Variants in FKTN observed in about 807,000 individuals in gnomAD.
FKTN encodes ribitol-5-phosphate transferase FKTN.
In FKTN, 47 loss-of-function variants were observed where a neutral mutation model predicts 58.6. The observed-to-expected ratio is 0.80, with a 90% CI of 0.63 to 1.02. FKTN has a LOEUF of 1.02. Ranked by LOEUF, FKTN falls within the 50% of genes least tolerant of loss-of-function variation. The probability of loss-of-function intolerance (pLI) is 0.00; values close to 1 mark genes in which losing one functional copy is unlikely to be tolerated. For synonymous variants in FKTN, 178 were observed against 191.9 expected (o/e 0.93, Z 0.60); for missense variants, 516 against 537.3 (o/e 0.96, Z 0.39).
At chr9:105,573,289 T>C (rs1841092975) in intron 1 of FKTN, among the ~76,000 whole-genome samples, 1 of 151,852 alleles carries the variant, frequency 6.6e-6, no homozygotes, top group African/African-American at 2.4e-5. Flanking sequence ...TTCAATGTTA[T>C]AACAGAAAAA....
intron 3 of FKTN, among the ~76,000 whole-genome samples, chr9:105,584,972 A>C (rs1843651177): frequency 6.6e-6 from 1 of 152,200 alleles, no homozygotes; most frequent in Non-Finnish European, 1.5e-5. Flanking sequence ...AGGCAATAGA[A>C]ACAATGAGGT....
chr9:105,619,428 T>A (rs1235065937), intron 9 of FKTN, among the ~76,000 whole-genome samples: 3 of 152,198 alleles, frequency 2.0e-5, no homozygotes, highest in Non-Finnish European at 4.4e-5. Flanking sequence ...GAATTATTTA[T>A]TTTTTTACCT....
rs1489529372 is a variant in FKTN, at chr9:105,588,123, C to G, written c.106-8475C>G. 2.0e-5 allele frequency among the ~76,000 whole-genome samples: 3 copies of G among 152,170 alleles called. No homozygotes were observed. In the East Asian group the frequency reaches 5.8e-4, roughly 29 times the overall value. Reference sequence around the variant, plus strand: ...TTGGTTTGAGGGTTTCTATAAGAAACACTGTTGGATACTGCATTTCAAAAA... The same window carrying G: ...TTGGTTTGAGGGTTTCTATAAGAAAGACTGTTGGATACTGCATTTCAAAAA... On this transcript the variant is annotated intron_variant, in intron 3 of 10. Transcript: ENST00000357998.
In FKTN at chr9:105,640,278, C is replaced by A; in HGVS notation, c.*5014C>A. 1 of 1,012,786 alleles carries A rather than the reference C, an allele frequency of 9.9e-7. No homozygotes were observed. The highest frequency in any genetic ancestry group is 1.4e-6 in the Non-Finnish European group (1 of 726,824). The allele number at this position is 1,012,786 out of a possible 1,614,324, so 62.7% of individuals were successfully genotyped here. ...AAGAAATCCCTGCTTCTTTTGGGTG[C>A]AGTGGCTCACACCTGTAATACCAGC... On this transcript the variant is annotated 3_prime_UTR_variant, in exon 11 of 11. Coordinates refer to ENST00000357998, the MANE Select transcript of FKTN (RefSeq NM_001079802.2).
chr9:105,596,138 A>G (rs933296887), intron 3 of FKTN, among the ~76,000 whole-genome samples: 15 of 152,364 alleles, frequency 9.8e-5, no homozygotes, highest in South Asian at 2.1e-4. Flanking sequence ...TGAGGGATCA[A>G]TGAGTATACA....
Position 105,607,969 on chromosome 9 carries a change from G to A in FKTN, c.780+18G>A. The stretch of plus-strand genomic sequence containing the variant: ...TCTTTCAGGTTAGAGACAACCAAAT[G>A]TGTACTTTTAAATTAAAGAAAATGT... On this transcript the variant is annotated intron_variant, in intron 7 of 10. Transcript: ENST00000357998. 6.2e-7 allele frequency: 1 copy of A among 1,603,460 alleles called. No individual in the cohort carries two copies. The highest frequency in any genetic ancestry group is 8.5e-7 in the Non-Finnish European group (1 of 1,170,764).
At chr9:105,595,708 A>T (rs1350857457) in intron 3 of FKTN, among the ~76,000 whole-genome samples, 5 of 152,200 alleles carry the variant, frequency 3.3e-5, no homozygotes. Flanking sequence ...GGTTATACAA[A>T]GATGGATTGG....
chr9:105,635,621 A>C lies in FKTN; in HGVS notation c.*357A>C. On this transcript the variant is annotated 3_prime_UTR_variant, in exon 11 of 11. Coordinates refer to ENST00000357998, the MANE Select transcript of FKTN (RefSeq NM_001079802.2). ...AAACGTGAAGTAATGTTTGAACTGG[A>C]AGATGAGCTCACCAGGCAAAGCTAA... The C allele has an allele frequency of 8.6e-7, 1 of 1,158,452 alleles. No individual in the cohort carries two copies. The highest frequency in any genetic ancestry group is 4.4e-5 in the Admixed American group (1 of 22,556). The allele number at this position is 1,158,452 out of a possible 1,614,324, so 71.8% of individuals were successfully genotyped here. A position where few individuals can be genotyped will look rare whatever the true frequency, so the allele number is the denominator to read the frequency against.
At chr9:105,612,718 A>G (rs902004884) in intron 7 of FKTN, among the ~76,000 whole-genome samples, 1 of 152,200 alleles carries the variant, frequency 6.6e-6, no homozygotes, top group Non-Finnish European at 1.5e-5. Flanking sequence ...TAATCCTAGC[A>G]CTTTGGGAGG....
Position 105,565,187 on chromosome 9 carries a change from C to A in FKTN, c.-181+7022C>A, listed in dbSNP as rs184667005. ...AAGGAACAGCCGATACCAGCCTCTG[C>A]AAAAACATGCCAGATTCTAAAGACC... On this transcript the variant is annotated intron_variant, in intron 1 of 10. Transcript: ENST00000357998. Among the ~76,000 whole-genome samples, 15 of 152,290 alleles carry A rather than the reference C, an allele frequency of 9.8e-5. No individual in the cohort carries two copies. In the East Asian group the frequency reaches 2.9e-3, roughly 29 times the overall value.
Position 105,636,764 on chromosome 9 carries a change from T to G in FKTN, c.*1500T>G, listed in dbSNP as rs1481375249. 7.0e-6 allele frequency: 9 copies of G among 1,285,770 alleles called. No homozygotes were observed. In the South Asian group the frequency reaches 7.7e-5, roughly 11 times the overall value. The allele number at this position is 1,285,770 out of a possible 1,614,324, so 79.6% of individuals were successfully genotyped here. A position where few individuals can be genotyped will look rare whatever the true frequency, so the allele number is the denominator to read the frequency against. ...TTCCTCTGACACCAGAGAACAATAG[T>G]AGTCTCAAGAATGGAAACCTGAATG... On this transcript the variant is annotated 3_prime_UTR_variant, in exon 11 of 11. Coordinates refer to ENST00000357998, the MANE Select transcript of FKTN (RefSeq NM_001079802.2).
intron 7 of FKTN, among the ~76,000 whole-genome samples, chr9:105,612,098 C>T (rs926555653): frequency 3.3e-5 from 5 of 151,340 alleles, no homozygotes; most frequent in Non-Finnish European, 1.5e-5. Context: ...TAGATAGTAT[C>T]GTATTGTTTT....
chr9:105,596,575 A>T, intron 3 of FKTN, 23 bp from the exon 4 acceptor site: 1 of 1,590,374 alleles, frequency 6.3e-7, no homozygotes, highest in Non-Finnish European at 8.6e-7. Flanking sequence ...ATTTACTAAA[A>T]AGTTCTTTTG....
At position 105,575,121 on chromosome 9, in the gene FKTN, AC is replaced by A; in HGVS notation, c.90del (p.Tyr31IlefsTer34). ...CTGTTTCAGTTGTACTACTACAAGC[AC>A]TATTTATCAACAAAGGTAATTTTAT... The part of the protein sequence containing the change: ...FLLFQLYYYK[H>X]YLSTKNGAGL... On this transcript the variant is annotated frameshift_variant, in exon 3 of 11. Transcript: ENST00000357998. LOFTEE classifies it high-confidence loss of function. 1 of 1,590,232 alleles carries A rather than the reference AC, an allele frequency of 6.3e-7. No homozygotes were observed. The highest frequency in any genetic ancestry group is 1.1e-5 in the South Asian group (1 of 90,572).
In FKTN at chr9:105,638,523, A is replaced by G; in HGVS notation, c.*3259A>G. On this transcript the variant is annotated 3_prime_UTR_variant, in exon 11 of 11. Transcript: ENST00000357998. ...TACCATTCTATTTCCCAAGGGAACC[A>G]TCAGCACCAACCTGCTAAATGCCTG... The G allele has an allele frequency of 3.0e-6, 3 of 985,446 alleles. No individual in the cohort carries two copies. The highest frequency in any genetic ancestry group is 3.6e-6 in the Non-Finnish European group (3 of 829,960). 61.0% of individuals were successfully genotyped at this position (985,446 alleles called of 1,614,324 possible).
chr9:105,591,024 A>T (rs183956888), intron 3 of FKTN, among the ~76,000 whole-genome samples: 5 of 152,102 alleles, frequency 3.3e-5, no homozygotes. Context: ...CTCACTCCCT[A>T]TCACAAGAAT....
rs138104091 is a variant in FKTN at position 105,621,370 on chromosome 9, T to C, written c.1172+1309T>C. 2.0e-5 allele frequency among the ~76,000 whole-genome samples: 3 copies of C among 152,290 alleles called. No homozygotes were observed. The East Asian group carries it at 5.8e-4, about 29-fold the overall frequency. ...ATTTACTTTAAGAAAATGTAGTATT[T>C]TTAACACTACTATTCCTTGGGGATG... is the stretch of plus-strand genomic sequence containing the variant. On this transcript the variant is annotated intron_variant, in intron 10 of 10. Transcript: ENST00000357998.
chr9:105,623,646 A>G (rs1462411186), intron 10 of FKTN, among the ~76,000 whole-genome samples: 2 of 152,144 alleles, frequency 1.3e-5, no homozygotes, highest in African/African-American at 4.8e-5. Flanking sequence ...CCAGGTGTGG[A>G]TCCTGTGTAA....
chr9:105,640,396 C>A lies in FKTN; in HGVS notation c.*5132C>A. On this transcript the variant is annotated 3_prime_UTR_variant, in exon 11 of 11. Coordinates refer to ENST00000357998, the MANE Select transcript of FKTN (RefSeq NM_001079802.2). ...TGAAACCCCGTCTCTTCTAAAAATA[C>A]AAAAAAATTAGCTGGGCATGGTGGT... 3.2e-6 allele frequency: 1 copy of A among 316,436 alleles called. No individual in the cohort carries two copies. The highest frequency in any genetic ancestry group is 5.8e-6 in the Non-Finnish European group (1 of 172,912). The allele number at this position is 316,436 out of a possible 1,614,324, so 19.6% of individuals were successfully genotyped here.
Sources: allele counts gnomAD v4.1 joint callset (sites outside exome capture counted in the v4.1 genomes callset), GRCh38; gene constraint gnomAD v4.1.1; transcripts MANE v1.5; gene names NCBI Gene and HGNC (gene_info 2026-07-23, HGNC 2026-07-21).